The following PLB1 variants were observed in gnomAD, a reference collection of about 807,000 sequenced individuals.
PLB1 encodes phospholipase B1, membrane-associated.
In PLB1, 242 loss-of-function variants were observed where a neutral mutation model predicts 227.4. The ratio of observed to expected loss-of-function variants is 1.06; its 90% CI spans 0.96 to 1.18. The LOEUF (loss-of-function observed/expected upper bound fraction) is 1.18, where lower values mean the gene tolerates loss of function less well. PLB1 is among the 50% of genes most tolerant of loss of function. The pLI is 0.00. For synonymous variants in PLB1, 757 were observed against 682.2 expected (o/e 1.11, Z -1.71); for missense variants, 1,858 against 1,816.3 (o/e 1.02, Z -0.42).
At chr2:28,639,377 G>A (rs757084375) in intron 56 of PLB1, among the ~76,000 whole-genome samples, 6 of 152,130 alleles carry the variant, frequency 3.9e-5, no homozygotes, top group Admixed American at 1.3e-4. Flanking sequence ...TATGGCGATC[G>A]TTGGTGGCCA....
Position 28,563,096 on chromosome 2 carries a change from C to A in PLB1, c.1203C>A (p.Leu401=). The change falls in exon 18 of 58, where the codon CTC becomes CTA. Residue 401 remains leucine (L), a synonymous_variant. Transcript: ENST00000327757. ...TAATTGGAGCCCTGGGTGACTCTCTCACGGTAAGTGACCCTGATGCAGAAG... is the reference window on the plus strand; with the variant it reads ...TAATTGGAGCCCTGGGTGACTCTCTAACGGTAAGTGACCCTGATGCAGAAG... ...INVIGALGDS[L]TAGNGAGSTP... 1 of 1,612,654 alleles carries A rather than the reference C, an allele frequency of 6.2e-7. No individual in the cohort carries two copies. The highest frequency in any genetic ancestry group is 8.5e-7 in the Non-Finnish European group (1 of 1,178,694).
chr2:28,592,739 A>T lies in PLB1; in HGVS notation c.2247+20A>T. 1 of 1,613,286 alleles carries T rather than the reference A, an allele frequency of 6.2e-7. No homozygotes were observed. Among genetic ancestry groups the T allele is most frequent in the Non-Finnish European group, 8.5e-7 (1 of 1,179,470 alleles). Reference sequence around the variant, plus strand: ...CTGACCGTAAGGACTCTTGGGCCCCAGGTGGTTTGGGGATAACTAGGCCAG... The same window carrying T: ...CTGACCGTAAGGACTCTTGGGCCCCTGGTGGTTTGGGGATAACTAGGCCAG... On this transcript the variant is annotated intron_variant, in intron 32 of 57. Transcript: ENST00000327757.
intron 44 of PLB1, 117 bp downstream of exon 44, chr2:28,614,213 C>T: frequency 9.8e-7 from 1 of 1,022,258 alleles, no homozygotes; most frequent in South Asian, 1.3e-5. Flanking sequence ...TTCTTACATA[C>T]TGGGGATTGG....
chr2:28,566,871 T>C, intron 20 of PLB1, 32 bp downstream of exon 20: 4 of 1,613,152 alleles, frequency 2.5e-6, no homozygotes, highest in Non-Finnish European at 3.4e-6. Flanking sequence ...GGATGTTTGG[T>C]TTGGGGCGGC....
At chr2:28,637,269 G>A (rs897329107) in intron 56 of PLB1, among the ~76,000 whole-genome samples, 1 of 148,270 alleles carries the variant, frequency 6.7e-6, no homozygotes, top group African/African-American at 2.5e-5. Flanking sequence ...CTCCAGCCTG[G>A]GTGACAAGAG....
intron 21 of PLB1, among the ~76,000 whole-genome samples, chr2:28,574,200 T>C (rs1258869710): frequency 6.6e-6 from 1 of 152,194 alleles, no homozygotes; most frequent in Non-Finnish European, 1.5e-5. Flanking sequence ...ATTTTTAATT[T>C]TTATTTCAAC....
chr2:28,530,463 C>T (rs1670870454), intron 8 of PLB1, among the ~76,000 whole-genome samples: 1 of 152,184 alleles, frequency 6.6e-6, no homozygotes, highest in Admixed American at 6.5e-5. Flanking sequence ...ACAATGCAAG[C>T]TACAGGCTTT....
intron 33 of PLB1, 130 bp from the exon 34 acceptor site, chr2:28,597,875 T>C: frequency 1.2e-6 from 1 of 839,662 alleles, no homozygotes; most frequent in South Asian, 1.4e-5. Context: ...AACTCAGAGA[T>C]GGGTCTGGCC....
At chr2:28,526,493 A>C (rs1360526662) in intron 6 of PLB1, among the ~76,000 whole-genome samples, 1 of 152,184 alleles carries the variant, frequency 6.6e-6, no homozygotes, top group African/African-American at 2.4e-5. Flanking sequence ...TGGCCTTTTG[A>C]TTTACAAATG....
chr2:28,587,309 G>A (rs905702054), intron 26 of PLB1, among the ~76,000 whole-genome samples: 3 of 152,188 alleles, frequency 2.0e-5, no homozygotes, highest in East Asian at 1.9e-4. Flanking sequence ...ACTTCTAGGG[G>A]CCAAGCCATA....
In PLB1 at chr2:28,593,727, CCA is replaced by C; in HGVS notation, c.2299_2300del (p.Gln767ValfsTer22). ...AAACCAGACGACCTCCCCGATGTCA[CCA>C]CACAGTATCGGGGACTGTCATACAG... On this transcript the variant is annotated frameshift_variant, in exon 33 of 58. Transcript: ENST00000327757. LOFTEE classifies it high-confidence loss of function. 6.2e-7 allele frequency: 1 copy of C among 1,614,056 alleles called. No individual in the cohort carries two copies. Among genetic ancestry groups the C allele is most frequent in the South Asian group, 1.1e-5 (1 of 91,072 alleles).
intron 17 of PLB1, among the ~76,000 whole-genome samples, chr2:28,558,705 A>ATGTG (rs3041213): frequency 0.011 from 1,607 of 150,270 alleles, 26 homozygotes; most frequent in African/African-American, 0.037. Flanking sequence ...GTGTGTGTGT[A>ATGTG]TGTGTGTGTG....
intron 1 of PLB1, among the ~76,000 whole-genome samples, chr2:28,500,332 A>G (rs1405998676): frequency 6.6e-6 from 1 of 152,196 alleles, no homozygotes; most frequent in Non-Finnish European, 1.5e-5. Context: ...GGTGATGCCA[A>G]ATTTGATAAC....
At chr2:28,572,159 A>G (rs1386056835) in intron 20 of PLB1, among the ~76,000 whole-genome samples, 1 of 152,236 alleles carries the variant, frequency 6.6e-6, no homozygotes, top group African/African-American at 2.4e-5. Context: ...ACTTGAAAAT[A>G]TGCTCAACAT....
chr2:28,627,182 G>A (rs1687913995), intron 51 of PLB1, among the ~76,000 whole-genome samples: 1 of 152,148 alleles, frequency 6.6e-6, no homozygotes. Flanking sequence ...GGCTCACAGA[G>A]GCCAACTACC....
chr2:28,616,769 C>T (rs1183476185), intron 44 of PLB1, among the ~76,000 whole-genome samples: 1 of 152,162 alleles, frequency 6.6e-6, no homozygotes, highest in African/African-American at 2.4e-5. Flanking sequence ...TGAGCAATCC[C>T]TTGGGAAAAA....
intron 1 of PLB1, among the ~76,000 whole-genome samples, chr2:28,514,740 T>G (rs541533824): frequency 1.8e-4 from 27 of 152,364 alleles, no homozygotes; most frequent in African/African-American, 6.5e-4. Flanking sequence ...TACACTTAGC[T>G]TCTTGATTAC....
intron 20 of PLB1, among the ~76,000 whole-genome samples, chr2:28,569,235 G>GATA (rs34085226): frequency 0.54 from 81,987 of 151,748 alleles, 22,733 homozygotes; most frequent in Non-Finnish European, 0.61. Context: ...TTGGAGCTGA[G>GATA]ATACTAGCCA....
At chr2:28,614,728 G>A (rs1324831362) in intron 44 of PLB1, among the ~76,000 whole-genome samples, 1 of 152,216 alleles carries the variant, frequency 6.6e-6, no homozygotes, top group Non-Finnish European at 1.5e-5. Flanking sequence ...TTGACCCGCA[G>A]TTTCAGTTTC....
Sources: gnomAD v4.1 joint callset for allele counts (sites outside exome capture counted in the v4.1 genomes callset) on GRCh38, gnomAD v4.1.1 for gene constraint, MANE v1.5 for transcripts, NCBI Gene and HGNC (gene_info 2026-07-23, HGNC 2026-07-21) for gene names.